RASGEF1A: variants seen among roughly 807,000 people sequenced by gnomAD.
RASGEF1A encodes the protein ras-GEF domain-containing family member 1A.
Under a neutral mutation model 56.4 loss-of-function variants are expected in RASGEF1A, and 18 were observed. That is an observed-to-expected ratio of 0.32 (90% CI 0.22 to 0.47). The LOEUF (loss-of-function observed/expected upper bound fraction) is 0.47. Among genes scored for constraint, RASGEF1A ranks in the 20% least tolerant of loss-of-function variants. The probability of loss-of-function intolerance (pLI) is 1.00; values close to 1 mark genes in which losing one functional copy is unlikely to be tolerated. For synonymous variants in RASGEF1A, 245 were observed against 242.6 expected, an observed-to-expected ratio of 1.01 and a Z score of -0.09; for missense variants, 422 against 627.1, an observed-to-expected ratio of 0.67 and a Z score of 3.49.
intron 1 of RASGEF1A, among the ~76,000 whole-genome samples, chr10:43,209,494 C>A (rs1334325248): frequency 1.3e-5 from 2 of 152,230 alleles, no homozygotes; most frequent in Admixed American, 6.5e-5. Context: ...GGGAGCACTA[C>A]TTCAGAGGTT....
intron 1 of RASGEF1A, among the ~76,000 whole-genome samples, chr10:43,262,731 C>G (rs1466323032): frequency 6.6e-6 from 1 of 152,204 alleles, no homozygotes; most frequent in Non-Finnish European, 1.5e-5. Context: ...AGGAAGGCAC[C>G]CAAGGAAGGC....
At position 43,199,211 on chromosome 10, in the gene RASGEF1A, G is replaced by A; in HGVS notation, c.850-17C>T. ...CTTCACCACCTGGAAGGTGGCAGGTGACCTCAGCATGGCGCTGCCGGGGGA... is the reference window on the plus strand; with the variant it reads ...CTTCACCACCTGGAAGGTGGCAGGTAACCTCAGCATGGCGCTGCCGGGGGA... On this transcript the variant is annotated splice_polypyrimidine_tract_variant and intron_variant, in intron 7 of 12. Transcript: ENST00000395810. 1 of 1,583,116 alleles carries A rather than the reference G, an allele frequency of 6.3e-7. No homozygotes were observed. The highest frequency in any genetic ancestry group is 8.6e-7 in the Non-Finnish European group (1 of 1,159,240).
At chr10:43,249,991 A>T (rs115606342) in intron 1 of RASGEF1A, among the ~76,000 whole-genome samples, 3,727 of 152,314 alleles carry the variant, frequency 0.024, 140 homozygotes, top group African/African-American at 0.084. Flanking sequence ...GAGAGGGCAC[A>T]GTGCTCACAG....
intron 1 of RASGEF1A, among the ~76,000 whole-genome samples, chr10:43,265,382 A>G (rs897598562): frequency 6.6e-6 from 1 of 152,108 alleles, no homozygotes; most frequent in Non-Finnish European, 1.5e-5. Flanking sequence ...CTACTTCACT[A>G]GAGAGCCTGG....
At chr10:43,225,977 C>T (rs768610587) in intron 1 of RASGEF1A, among the ~76,000 whole-genome samples, 2 of 152,016 alleles carry the variant, frequency 1.3e-5, no homozygotes, top group Non-Finnish European at 2.9e-5. Context: ...TTGGGAAATG[C>T]CAGGGGCTGG....
intron 4 of RASGEF1A, among the ~76,000 whole-genome samples, chr10:43,201,164 A>G (rs1311605590): frequency 1.3e-5 from 2 of 152,178 alleles, no homozygotes; most frequent in Admixed American, 1.3e-4. Context: ...TCTGAAAAGC[A>G]TGGCTTTTTC....
chr10:43,252,433 CG>C (rs1422892472), intron 1 of RASGEF1A, among the ~76,000 whole-genome samples: 4 of 151,942 alleles, frequency 2.6e-5, no homozygotes, highest in African/African-American at 9.7e-5. Flanking sequence ...GGGTGGGCTA[CG>C]GGGCTGCGGG....
chr10:43,213,728 G>A (rs1840098046), intron 1 of RASGEF1A, among the ~76,000 whole-genome samples: 1 of 152,208 alleles, frequency 6.6e-6, no homozygotes, highest in Non-Finnish European at 1.5e-5. Flanking sequence ...ACAGGTTCAA[G>A]CGATTCTCCT....
At chr10:43,236,881 G>T (rs1434811726) in intron 1 of RASGEF1A, among the ~76,000 whole-genome samples, 1 of 152,146 alleles carries the variant, frequency 6.6e-6, no homozygotes, top group Non-Finnish European at 1.5e-5. Flanking sequence ...GGGGACAAGG[G>T]GGGGATGCTT....
rs958896078 is a variant in RASGEF1A, at chr10:43,197,052, T to A, written c.1272A>T (p.Thr424=). The change falls in exon 11 of 13, where the codon ACA becomes ACT. Residue 424 remains threonine, a synonymous_variant. Coordinates refer to ENST00000395810, the MANE Select transcript of RASGEF1A (RefSeq NM_145313.4). ...CCTTCTCGAAAGGACACTCTACCTG[T>A]GTCCATGTCATGAACTCATGGATCT... ...SRQIHEFMTW[T]QVECPFEKDK... is the part of the protein sequence containing the mutation. 2 of 1,614,076 alleles carry A rather than the reference T, an allele frequency of 1.2e-6. No individual in the cohort carries two copies. The highest frequency in any genetic ancestry group is 8.5e-7 in the Non-Finnish European group (1 of 1,179,936).
intron 1 of RASGEF1A, among the ~76,000 whole-genome samples, chr10:43,227,775 C>T (rs1286031315): frequency 6.6e-6 from 1 of 152,134 alleles, no homozygotes; most frequent in Admixed American, 6.5e-5. Context: ...CCTGCTCCCA[C>T]CTGCTGTGCC....
intron 1 of RASGEF1A, among the ~76,000 whole-genome samples, chr10:43,250,612 A>C (rs1469052002): frequency 2.6e-5 from 4 of 151,926 alleles, no homozygotes; most frequent in Non-Finnish European, 5.9e-5. Context: ...AGACTTGAGA[A>C]GCCCCAAGTG....
chr10:43,259,251 C>A (rs1836484144), intron 1 of RASGEF1A, among the ~76,000 whole-genome samples: 1 of 152,202 alleles, frequency 6.6e-6, no homozygotes, highest in African/African-American at 2.4e-5. Flanking sequence ...ATTCTGAGCA[C>A]CCCAGGGACC....
intron 1 of RASGEF1A, among the ~76,000 whole-genome samples, chr10:43,248,800 C>T (rs1840595048): frequency 6.6e-6 from 1 of 152,148 alleles, no homozygotes; most frequent in African/African-American, 2.4e-5. Context: ...CTTAGGGTTG[C>T]CTCGCCCTGT....
Position 43,196,375 on chromosome 10 carries a change from C to A in RASGEF1A, c.1421+101G>T, listed in dbSNP as rs1477526125. 3.2e-6 allele frequency: 5 copies of A among 1,552,810 alleles called. No homozygotes were observed. The highest frequency in any genetic ancestry group is 4.4e-6 in the Non-Finnish European group (5 of 1,125,828). ...TGCACCAGGGACCCTGGACCAGGGA[C>A]GCGGCAGTGCCCAGGCTCCCTTTCC... On this transcript the variant is annotated intron_variant, in intron 12 of 12. Coordinates refer to ENST00000395810, the MANE Select transcript of RASGEF1A (RefSeq NM_145313.4). This position sits in a 1 kb window ranked among gnomAD's most constrained non-coding sequence, Gnocchi z 4.6.
At chr10:43,210,203 G>A (rs1257714537) in intron 1 of RASGEF1A, among the ~76,000 whole-genome samples, 2 of 152,246 alleles carry the variant, frequency 1.3e-5, no homozygotes, top group East Asian at 3.8e-4. Flanking sequence ...CTGGTACGGA[G>A]GCTCATGCCT....
intron 1 of RASGEF1A, among the ~76,000 whole-genome samples, chr10:43,228,805 T>C (rs2133208326): frequency 6.6e-6 from 1 of 152,350 alleles, no homozygotes; most frequent in East Asian, 1.9e-4. Flanking sequence ...CTCTCCGTGC[T>C]GTGGTGTTTG....
intron 9 of RASGEF1A, 74 bp downstream of exon 9, chr10:43,198,859 G>T: frequency 7.1e-7 from 1 of 1,399,868 alleles, no homozygotes. Flanking sequence ...CACCCCCACT[G>T]TCAGGGCCCC....
chr10:43,247,958 G>A (rs1036237059), intron 1 of RASGEF1A, among the ~76,000 whole-genome samples: 4 of 151,904 alleles, frequency 2.6e-5, no homozygotes, highest in African/African-American at 9.7e-5. Flanking sequence ...CAGCACTTTG[G>A]GAGGCTGAGG....
Sources: allele counts gnomAD v4.1 joint callset (sites outside exome capture counted in the v4.1 genomes callset), GRCh38; gene constraint gnomAD v4.1.1; non-coding constraint Gnocchi (gnomAD v3.1); transcripts MANE v1.5; gene names NCBI Gene and HGNC (gene_info 2026-07-23, HGNC 2026-07-21).